Variants in LPP observed in about 807,000 individuals in gnomAD.
The protein encoded by LPP is lipoma-preferred partner.
A neutral mutation model predicts 60.4 loss-of-function variants in LPP; 38 were observed. The observed-to-expected ratio is 0.63, with a 90% CI of 0.49 to 0.83. The LOEUF (loss-of-function observed/expected upper bound fraction) is 0.83, where lower values mean the gene tolerates loss of function less well. LPP is among the 40% of genes least tolerant of loss of function. The pLI, the probability that LPP is intolerant of heterozygous loss-of-function variation, is 0.00. For missense variants in LPP, 902 were observed against 783.6 expected (o/e 1.15, Z -1.80); for synonymous variants, 328 against 290.8 (o/e 1.13, Z -1.30).
intron 6 of LPP, among the ~76,000 whole-genome samples, chr3:188,571,812 G>C (rs1175588133): frequency 6.6e-6 from 1 of 152,076 alleles, no homozygotes; most frequent in Non-Finnish European, 1.5e-5. Context: ...AATTATTGTA[G>C]TAATACAATG....
chr3:188,396,963 CATTTTCTT>C (rs1284731869), intron 3 of LPP, among the ~76,000 whole-genome samples: 2 of 152,186 alleles, frequency 1.3e-5, no homozygotes, highest in Non-Finnish European at 2.9e-5. Context: ...AGAGAATTCA[CATTTTCTT>C]GGTTACTTTG....
chr3:188,419,796 A>G (rs771648574), intron 4 of LPP, among the ~76,000 whole-genome samples: 60 of 152,340 alleles, frequency 3.9e-4, no homozygotes, highest in Non-Finnish European at 8.4e-4. Flanking sequence ...AGACTGAGGC[A>G]GGCGAATCAC....
intron 7 of LPP, among the ~76,000 whole-genome samples, chr3:188,615,042 G>C (rs1580414462): frequency 6.6e-6 from 1 of 152,098 alleles, no homozygotes; most frequent in East Asian, 1.9e-4. Flanking sequence ...CTCTTACTTA[G>C]GGTTTCCTCT....
intron 2 of LPP, among the ~76,000 whole-genome samples, chr3:188,307,506 T>A (rs1751914685): frequency 6.6e-6 from 1 of 152,218 alleles, no homozygotes; most frequent in South Asian, 2.1e-4. Flanking sequence ...CTCTATTTTA[T>A]TTTTGAGTAT....
chr3:188,646,764 G>A (rs1851177720), intron 7 of LPP, among the ~76,000 whole-genome samples: 1 of 152,186 alleles, frequency 6.6e-6, no homozygotes, highest in Non-Finnish European at 1.5e-5. Context: ...AAGTTTCTCA[G>A]CTAGGAACAA....
At position 188,266,252 on chromosome 3, in the gene LPP, A is replaced by C. The variant is rs186401648; in HGVS notation, c.-67+40725A>C. Among the ~76,000 whole-genome samples the C allele has an allele frequency of 1.1e-4, 16 of 152,336 alleles. No individual in the cohort carries two copies. In the East Asian group the frequency reaches 3.1e-3, roughly 29 times the overall value. On this transcript the variant is annotated intron_variant, in intron 2 of 11. Coordinates refer to ENST00000617246, the MANE Select transcript of LPP (RefSeq NM_001375462.1). ...TCCAAAGGTTCCAAGCACATTAGTC[A>C]CATATCCCAGAAGTTTAATACAGAA... is the stretch of plus-strand genomic sequence containing the variant.
At chr3:188,753,985 A>G (rs1395022632) in intron 8 of LPP, among the ~76,000 whole-genome samples, 2 of 152,354 alleles carry the variant, frequency 1.3e-5, no homozygotes, top group South Asian at 2.1e-4. Context: ...TCACAGAGCT[A>G]AATGGCAATA....
At chr3:188,737,482 G>A (rs142942581) in intron 8 of LPP, among the ~76,000 whole-genome samples, 49 of 152,288 alleles carry the variant, frequency 3.2e-4, no homozygotes, top group Non-Finnish European at 6.6e-4. Flanking sequence ...TTAGAACTCC[G>A]CTCCATTGAT....
intron 8 of LPP, chr3:188,710,778 A>T (rs1866473076): frequency 6.6e-6 from 1 of 152,170 alleles, no homozygotes; most frequent in Admixed American, 6.5e-5. Flanking sequence ...AAAACTGAAC[A>T]TAGATGCTAA....
intron 10 of LPP, among the ~76,000 whole-genome samples, chr3:188,869,723 A>G (rs140881590): frequency 7.7e-4 from 117 of 152,334 alleles, no homozygotes; most frequent in African/African-American, 2.7e-3. Context: ...TCAAGCTCCC[A>G]GGTGCCCATG....
At chr3:188,866,809 C>A (rs1394035314) in intron 10 of LPP, among the ~76,000 whole-genome samples, 2 of 152,112 alleles carry the variant, frequency 1.3e-5, no homozygotes, top group Non-Finnish European at 2.9e-5. Flanking sequence ...AGAGTTTTCT[C>A]AAGAGCTAAT....
chr3:188,703,026 A>G (rs1029018696), intron 7 of LPP, among the ~76,000 whole-genome samples: 1 of 152,070 alleles, frequency 6.6e-6, no homozygotes, highest in Non-Finnish European at 1.5e-5. Flanking sequence ...TTAAGTCTCT[A>G]TTTTCTCATC....
At chr3:188,221,949 C>T (rs12629810) in intron 1 of LPP, among the ~76,000 whole-genome samples, 78,444 of 151,984 alleles carry the variant, frequency 0.52, 20,842 homozygotes, top group Non-Finnish European at 0.58. Context: ...TGATTTTGAA[C>T]GCCTGTGTTC....
At chr3:188,831,176 T>A (rs1306183874) in intron 9 of LPP, among the ~76,000 whole-genome samples, 1 of 152,182 alleles carries the variant, frequency 6.6e-6, no homozygotes, top group Admixed American at 6.5e-5. Context: ...CTGGTCCAAA[T>A]CACTGGAGTT....
At chr3:188,220,179 T>C (rs1715237677) in intron 1 of LPP, among the ~76,000 whole-genome samples, 1 of 151,922 alleles carries the variant, frequency 6.6e-6, no homozygotes, top group Non-Finnish European at 1.5e-5. Flanking sequence ...TTGACAGGAG[T>C]AGTATAAAAA....
intron 1 of LPP, among the ~76,000 whole-genome samples, chr3:188,211,871 A>G (rs1038184315): frequency 2.7e-5 from 4 of 150,774 alleles, no homozygotes; most frequent in Non-Finnish European, 5.9e-5. Context: ...CTTATTGCCC[A>G]GGCTGACATG....
At chr3:188,744,701 C>T (rs960758268) in intron 8 of LPP, among the ~76,000 whole-genome samples, 2 of 152,142 alleles carry the variant, frequency 1.3e-5, no homozygotes, top group Non-Finnish European at 2.9e-5. Context: ...ACTGGCCTCC[C>T]AACCTCCTTT....
At chr3:188,483,564 A>G (rs971410301) in intron 4 of LPP, among the ~76,000 whole-genome samples, 1 of 152,216 alleles carries the variant, frequency 6.6e-6, no homozygotes, top group Non-Finnish European at 1.5e-5. Context: ...TGTTTCCCCA[A>G]TACAGTTTTT....
intron 8 of LPP, among the ~76,000 whole-genome samples, chr3:188,757,889 G>GTTTTTTGTTTTT (rs1553833771): frequency 2.4e-4 from 19 of 78,738 alleles, no homozygotes; most frequent in African/African-American, 7.7e-4. Context: ...TGTTTTTTTG[G>GTTTTTTGTTTTT]TTTTTTTTTT....
Sources: gnomAD v4.1 joint callset for allele counts (sites outside exome capture counted in the v4.1 genomes callset) on GRCh38, gnomAD v4.1.1 for gene constraint, MANE v1.5 for transcripts, NCBI Gene and HGNC (gene_info 2026-07-23, HGNC 2026-07-21) for gene names.